Variants in FOCAD observed in about 807,000 individuals in gnomAD.
FOCAD encodes KIAA1797.
Under a neutral mutation model 225.6 loss-of-function variants are expected in FOCAD, and 198 were observed. That is an observed-to-expected ratio of 0.88 (90% CI 0.78 to 0.99). The LOEUF is 0.99. Among genes scored for constraint, FOCAD ranks in the 50% least tolerant of loss-of-function variants. FOCAD has a pLI of 0.00. For missense variants in FOCAD, 2,713 were observed against 2,123.6 expected (o/e 1.28, Z -5.46); for synonymous variants, 897 against 755.0 (o/e 1.19, Z -3.08).
At chr9:20,842,761 C>A (rs957180467) in intron 15 of FOCAD, among the ~76,000 whole-genome samples, 1 of 151,896 alleles carries the variant, frequency 6.6e-6, no homozygotes, top group Non-Finnish European at 1.5e-5. Flanking sequence ...CCATTTTATT[C>A]ATTGTTTTCT....
chr9:20,954,855 G>C lies in FOCAD; in HGVS notation c.4132+1790G>C, dbSNP rs530776137. On this transcript the variant is annotated intron_variant, in intron 35 of 43. Coordinates refer to ENST00000338382, the MANE Select transcript of FOCAD (RefSeq NM_001375567.1). ...TTACTAATGATGACCCCAGAGGAGTGGGGGCCGTGGGAGGCTGACCTCCGC... is the reference window on the plus strand; with the variant it reads ...TTACTAATGATGACCCCAGAGGAGTCGGGGCCGTGGGAGGCTGACCTCCGC... Among the ~76,000 whole-genome samples, 4 of 152,290 alleles carry C rather than the reference G, an allele frequency of 2.6e-5. No individual in the cohort carries two copies. The South Asian group carries it at 8.3e-4, about 32-fold the overall frequency.
intron 17 of FOCAD, among the ~76,000 whole-genome samples, chr9:20,866,181 G>A (rs1395963381): frequency 1.3e-5 from 2 of 151,952 alleles, no homozygotes; most frequent in Non-Finnish European, 2.9e-5. Flanking sequence ...ACCATAAAGT[G>A]CACTTAATAC....
chr9:20,869,927 A>G (rs528252734), intron 18 of FOCAD, among the ~76,000 whole-genome samples: 1 of 152,294 alleles, frequency 6.6e-6, no homozygotes, highest in East Asian at 1.9e-4. Flanking sequence ...AAAGATAGAT[A>G]AGAATGATTT....
At chr9:20,947,586 T>C (rs2132345037) in intron 30 of FOCAD, among the ~76,000 whole-genome samples, 1 of 152,234 alleles carries the variant, frequency 6.6e-6, no homozygotes, top group African/African-American at 2.4e-5. Context: ...ATTGATTGCA[T>C]AGCAGTATGA....
chr9:20,777,874 G>C (rs1030497886), intron 8 of FOCAD, among the ~76,000 whole-genome samples: 1 of 151,808 alleles, frequency 6.6e-6, no homozygotes, highest in African/African-American at 2.4e-5. Flanking sequence ...AGGCCGAGGC[G>C]GGCGGATCAC....
chr9:20,899,015 T>A (rs1832341315), intron 21 of FOCAD, among the ~76,000 whole-genome samples: 1 of 151,908 alleles, frequency 6.6e-6, no homozygotes, highest in Admixed American at 6.6e-5. Flanking sequence ...TAGAGTTGTC[T>A]GTTTCCCTTC....
chr9:20,769,349 C>T (rs544533368), intron 7 of FOCAD, among the ~76,000 whole-genome samples: 8 of 152,214 alleles, frequency 5.3e-5, no homozygotes, highest in Admixed American at 1.3e-4. Flanking sequence ...GCAGATGGTC[C>T]GTTGTTTGTA....
chr9:20,776,024 C>A (rs188132484), intron 8 of FOCAD, among the ~76,000 whole-genome samples: 94 of 152,108 alleles, frequency 6.2e-4, no homozygotes, highest in Middle Eastern at 6.8e-3. Flanking sequence ...GACTAGAGTT[C>A]ATCTGACAAT....
At chr9:20,772,554 C>T (rs2131023279) in intron 8 of FOCAD, among the ~76,000 whole-genome samples, 1 of 152,148 alleles carries the variant, frequency 6.6e-6, no homozygotes, top group Admixed American at 6.5e-5. Flanking sequence ...AGGGAGTGGT[C>T]AGCAGTGTCA....
chr9:20,925,778 T>A (rs555582139), intron 25 of FOCAD, among the ~76,000 whole-genome samples: 60 of 152,310 alleles, frequency 3.9e-4, no homozygotes, highest in Non-Finnish European at 7.9e-4. Context: ...AGATGATTCA[T>A]GTTTTCTACC....
intron 16 of FOCAD, among the ~76,000 whole-genome samples, chr9:20,864,034 TTC>T (rs1829017928): frequency 6.6e-6 from 1 of 152,068 alleles, no homozygotes; most frequent in Non-Finnish European, 1.5e-5. Flanking sequence ...TTTGGGGCCG[TTC>T]TCTCTATCTC....
At chr9:20,894,824 T>G (rs1831936719) in intron 21 of FOCAD, among the ~76,000 whole-genome samples, 1 of 152,080 alleles carries the variant, frequency 6.6e-6, no homozygotes, top group Non-Finnish European at 1.5e-5. Flanking sequence ...AAGATTTTTA[T>G]TTTAATGAAG....
intron 4 of FOCAD, among the ~76,000 whole-genome samples, chr9:20,739,187 A>G (rs1827394646): frequency 6.6e-6 from 1 of 152,228 alleles, no homozygotes; most frequent in Non-Finnish European, 1.5e-5. Flanking sequence ...TCTAACCCAA[A>G]AATAAAGTTA....
At chr9:20,819,366 A>G (rs1359109219) in intron 11 of FOCAD, among the ~76,000 whole-genome samples, 1 of 151,992 alleles carries the variant, frequency 6.6e-6, no homozygotes, top group Non-Finnish European at 1.5e-5. Context: ...GGTGTGCACT[A>G]TCATGCCCAG....
At chr9:20,692,604 C>G (rs1050650630) in intron 1 of FOCAD, among the ~76,000 whole-genome samples, 3 of 152,214 alleles carry the variant, frequency 2.0e-5, no homozygotes, top group Non-Finnish European at 4.4e-5. Flanking sequence ...CCCGTGCTCA[C>G]TCATGTAGTG....
intron 36 of FOCAD, 112 bp from the exon 37 acceptor site, chr9:20,978,227 C>T: frequency 3.3e-6 from 2 of 606,362 alleles, no homozygotes; most frequent in Non-Finnish European, 5.6e-6. Context: ...TACTGAAGTT[C>T]TGTTACCTGC....
intron 24 of FOCAD, among the ~76,000 whole-genome samples, chr9:20,917,798 CAG>C (rs879721690): frequency 3.3e-5 from 5 of 152,064 alleles, no homozygotes; most frequent in South Asian, 4.1e-4. Flanking sequence ...GCCTTAAAAA[CAG>C]AACAAAAAAT....
At chr9:20,786,899 C>T in intron 10 of FOCAD, 1 of 314,248 alleles carries the variant, frequency 3.2e-6, no homozygotes, top group Non-Finnish European at 6.4e-6. Flanking sequence ...TTTTAAACAC[C>T]TACTTCCTCC....
At chr9:20,990,036 C>CCT in intron 41 of FOCAD, 87 bp from the exon 42 acceptor site, 2 of 1,509,204 alleles carry the variant, frequency 1.3e-6, no homozygotes, top group South Asian at 2.5e-5. Context: ...GATGACATTG[C>CCT]CTCACGACAG....
Sources: allele counts gnomAD v4.1 joint callset (sites outside exome capture counted in the v4.1 genomes callset), GRCh38; gene constraint gnomAD v4.1.1; transcripts MANE v1.5; gene names NCBI Gene and HGNC (gene_info 2026-07-23, HGNC 2026-07-21).